GABRA1: variants seen among roughly 807,000 people sequenced by gnomAD.
GABRA1 encodes gamma-aminobutyric acid type A receptor subunit alpha1, also known as gamma-aminobutyric acid receptor subunit alpha-1.
Under a neutral mutation model 48.9 loss-of-function variants are expected in GABRA1, and 9 were observed. The observed-to-expected ratio is 0.18, with a 90% CI of 0.11 to 0.32. GABRA1 has a LOEUF of 0.32. GABRA1 is among the 10% of genes least tolerant of loss of function. The pLI, the probability that GABRA1 is intolerant of heterozygous loss-of-function variation, is 1.00. For missense variants in GABRA1, 285 were observed against 553.8 expected, an observed-to-expected ratio of 0.51 and a Z score of 4.87; for synonymous variants, 210 against 198.7, an observed-to-expected ratio of 1.06 and a Z score of -0.48.
intron 2 of GABRA1, among the ~76,000 whole-genome samples, chr5:161,853,113 G>A (rs1757513976): frequency 6.6e-6 from 1 of 151,838 alleles, no homozygotes; most frequent in Non-Finnish European, 1.5e-5. Context: ...ATCAGTAAAT[G>A]TGATCCATCC....
intron 7 of GABRA1, among the ~76,000 whole-genome samples, chr5:161,886,049 A>T (rs570991358): frequency 1.4e-4 from 22 of 152,106 alleles, no homozygotes; most frequent in Non-Finnish European, 3.1e-4. Flanking sequence ...CCTAGAATTG[A>T]GGTAATATTA....
rs1484092906 is a variant in GABRA1, at chr5:161,890,779, A to AT, written c.704-118dup. The stretch of plus-strand genomic sequence containing the variant: ...AAAAACTTTTCCCTCCAAGAACTGG[A>AT]TGTCACATGGAGAAAGGATGTGTCT... On this transcript the variant is annotated intron_variant, in intron 7 of 9. Transcript: ENST00000393943. 3 of 889,080 alleles carry AT rather than the reference A, an allele frequency of 3.4e-6. No homozygotes were observed. In the African/African-American group the frequency reaches 5.0e-5, roughly 15 times the overall value. The allele number at this position is 889,080 out of a possible 1,614,324, so 55.1% of individuals were successfully genotyped here.
chr5:161,885,199 G>A (rs558765977), intron 7 of GABRA1, among the ~76,000 whole-genome samples: 25 of 152,252 alleles, frequency 1.6e-4, no homozygotes, highest in Admixed American at 1.1e-3. Context: ...CCACAGTAAC[G>A]CTGAATTATA....
chr5:161,867,915 A>C (rs1753943118), intron 4 of GABRA1, among the ~76,000 whole-genome samples: 1 of 151,918 alleles, frequency 6.6e-6, no homozygotes, highest in Non-Finnish European at 1.5e-5. Flanking sequence ...TAAATATCTT[A>C]TTTTCTTAAA....
intron 6 of GABRA1, among the ~76,000 whole-genome samples, chr5:161,877,062 G>A (rs1018313976): frequency 6.6e-6 from 1 of 152,032 alleles, no homozygotes; most frequent in Non-Finnish European, 1.5e-5. Flanking sequence ...AGGCTTTTGA[G>A]TACCCAGGAC....
chr5:161,897,119 A>G lies in GABRA1; in HGVS notation c.1068A>G (p.Lys356=). Residue 356 remains lysine, a synonymous_variant, in exon 10 of 10, where the codon AAA becomes AAG. Coordinates refer to ENST00000393943, the MANE Select transcript of GABRA1 (RefSeq NM_001127644.2). ...GKSVVPEKPK[K]VKDPLIKKNN... ...GCTCTTTCTTTCTACAGCCAAAGAA[A>G]GTAAAGGATCCTCTTATTAAGAAAA... The G allele has an allele frequency of 1.9e-6, 3 of 1,614,064 alleles. No homozygotes were observed. Among genetic ancestry groups the G allele is most frequent in the African/African-American group, 1.3e-5 (1 of 75,042 alleles).
intron 4 of GABRA1, among the ~76,000 whole-genome samples, chr5:161,868,195 T>C (rs1470171420): frequency 6.6e-6 from 1 of 152,146 alleles, no homozygotes; most frequent in Non-Finnish European, 1.5e-5. Context: ...TATTACAGAA[T>C]GTGACTTATA....
intron 7 of GABRA1, among the ~76,000 whole-genome samples, chr5:161,886,979 C>T (rs866081183): frequency 3.3e-5 from 5 of 151,868 alleles, no homozygotes; most frequent in South Asian, 4.2e-4. Flanking sequence ...TGACTTAAGG[C>T]CATGAAATAT....
intron 7 of GABRA1, among the ~76,000 whole-genome samples, chr5:161,888,459 A>G (rs994485587): frequency 6.6e-6 from 1 of 152,138 alleles, no homozygotes; most frequent in African/African-American, 2.4e-5. Flanking sequence ...ATAATGTCAA[A>G]TAATAGCTCT....
intron 1 of GABRA1, 164 bp downstream of exon 1, chr5:161,848,586 C>G (rs1282935708): frequency 6.5e-6 from 1 of 153,992 alleles, no homozygotes; most frequent in Non-Finnish European, 1.4e-5. Context: ...AGGGAGCGAG[C>G]AGGACAGGAG....
chr5:161,869,762 A>G (rs753342873), intron 4 of GABRA1, among the ~76,000 whole-genome samples: 61 of 152,124 alleles, frequency 4.0e-4, no homozygotes, highest in Non-Finnish European at 8.8e-5. Flanking sequence ...AGCAACTCAT[A>G]CTTTTCACTT....
intron 3 of GABRA1, among the ~76,000 whole-genome samples, chr5:161,860,487 A>G (rs780916172): frequency 2.8e-5 from 4 of 141,448 alleles, no homozygotes; most frequent in Admixed American, 1.4e-4. Flanking sequence ...GGGTAGGGTA[A>G]TGGGGGGAGG....
At chr5:161,862,878 G>A (rs1757915953) in intron 3 of GABRA1, among the ~76,000 whole-genome samples, 1 of 151,894 alleles carries the variant, frequency 6.6e-6, no homozygotes, top group South Asian at 2.1e-4. Flanking sequence ...GAGACTCAGA[G>A]AGATTAAAGT....
intron 3 of GABRA1, among the ~76,000 whole-genome samples, chr5:161,855,976 A>G (rs1278593172): frequency 6.6e-6 from 1 of 151,426 alleles, no homozygotes; most frequent in Non-Finnish European, 1.5e-5. Context: ...TTTTACACAC[A>G]AACTGTTAAA....
At chr5:161,881,911 A>C (rs1754629082) in intron 6 of GABRA1, 1 of 152,756 alleles carries the variant, frequency 6.5e-6, no homozygotes, top group Non-Finnish European at 1.5e-5. Context: ...AGAAAAAAAA[A>C]AAAGAAGAAG....
In GABRA1 at chr5:161,882,663, G is replaced by T. The variant is rs2113414751; in HGVS notation, c.665G>T (p.Gly222Val). 6.2e-7 allele frequency: 1 copy of T among 1,613,648 alleles called. No individual in the cohort carries two copies. Among genetic ancestry groups the T allele is most frequent in the Non-Finnish European group, 8.5e-7 (1 of 1,179,772 alleles). Residue 222 changes from glycine (G) to valine (V), a missense_variant, in exon 7 of 10, where the codon GGA becomes GTA. Physicochemically the swap from Gly to Val is moderately radical, Grantham distance 109. This residue lies in a region of GABRA1 where 105 missense variants were observed against 267.4 expected (regional missense o/e 0.39). Coordinates refer to ENST00000393943, the MANE Select transcript of GABRA1 (RefSeq NM_001127644.2). ...GSRLNQYDLL[G>V]QTVDSGIVQS... Reference sequence around the variant, plus strand: ...CGTCTAAACCAGTATGACCTTCTTGGACAAACAGTAGACTCTGGAATTGTC... The same window carrying T: ...CGTCTAAACCAGTATGACCTTCTTGTACAAACAGTAGACTCTGGAATTGTC...
intron 3 of GABRA1, among the ~76,000 whole-genome samples, chr5:161,861,236 A>T (rs142193781): frequency 6.6e-6 from 1 of 151,860 alleles, no homozygotes; most frequent in African/African-American, 2.4e-5. Context: ...TACTCACTGC[A>T]TGCTTGTATC....
At chr5:161,891,137 A>G (rs929913178) in intron 8 of GABRA1, 87 bp downstream of exon 8, 3 of 1,203,670 alleles carry the variant, frequency 2.5e-6, no homozygotes, top group African/African-American at 3.0e-5. Context: ...GAAATAAAAA[A>G]AAATATACAC....
At chr5:161,864,069 G>C (rs1757961199) in intron 3 of GABRA1, among the ~76,000 whole-genome samples, 1 of 151,956 alleles carries the variant, frequency 6.6e-6, no homozygotes, top group African/African-American at 2.4e-5. Context: ...AGATATATTA[G>C]AGAGGAAAGT....
Sources: gnomAD v4.1 joint callset for allele counts (sites outside exome capture counted in the v4.1 genomes callset) on GRCh38, gnomAD v4.1.1 for gene constraint, gnomAD v4.1.1 regional missense constraint, MANE v1.5 for transcripts, NCBI Gene and HGNC (gene_info 2026-07-23, HGNC 2026-07-21) for gene names.